Variants in XRN1 observed in about 807,000 individuals in gnomAD.
XRN1 encodes the protein 5'-3' exoribonuclease 1, also known as strand-exchange protein 1 homolog.
In XRN1, 67 loss-of-function variants were observed where a neutral mutation model predicts 222.3. That is an observed-to-expected ratio of 0.30 (90% CI 0.25 to 0.37). The LOEUF is 0.37. Among genes scored for constraint, XRN1 ranks in the 10% least tolerant of loss-of-function variants. The pLI is 1.00. For missense variants in XRN1, 1,707 were observed against 2,000.2 expected, an observed-to-expected ratio of 0.85 and a Z score of 2.80; for synonymous variants, 643 against 652.4, an observed-to-expected ratio of 0.99 and a Z score of 0.22.
chr3:142,419,548 GC>G (rs2068920522), intron 10 of XRN1, among the ~76,000 whole-genome samples: 1 of 152,114 alleles, frequency 6.6e-6, no homozygotes, highest in African/African-American at 2.4e-5. Flanking sequence ...GGTGGCTCAC[GC>G]CTGTAATCCC....
In XRN1 at chr3:142,308,188, C is replaced by A. The variant is rs544722814; in HGVS notation, c.*3323G>T. 6.6e-6 allele frequency: 1 copy of A among 152,140 alleles called. No individual in the cohort carries two copies. Among genetic ancestry groups the A allele is most frequent in the South Asian group, 2.1e-4 (1 of 4,818 alleles). The allele number at this position is 152,140 out of a possible 1,614,324, so 9.4% of individuals were successfully genotyped here. On this transcript the variant is annotated 3_prime_UTR_variant, in exon 41 of 41. Coordinates refer to ENST00000392981, the MANE Select transcript of XRN1 (RefSeq NM_001282857.2). ...TAAATAAAAAGTGAGTAAAAAAGAC[C>A]TTACAGTTTATCTATTTCCTTGTGC...
chr3:142,383,463 G>T, intron 21 of XRN1, 50 bp from the exon 22 acceptor site: 1 of 1,478,856 alleles, frequency 6.8e-7, no homozygotes, highest in Non-Finnish European at 9.3e-7. Context: ...TATAGATTGC[G>T]TATCAAGTTT....
At chr3:142,396,465 A>G (rs1403094427) in intron 20 of XRN1, among the ~76,000 whole-genome samples, 1 of 152,234 alleles carries the variant, frequency 6.6e-6, no homozygotes, top group Non-Finnish European at 1.5e-5. Context: ...ATGCTACAAA[A>G]GACAACTTAG....
rs1391308425 is a variant in XRN1, at chr3:142,414,273, A to G, written c.1455T>C (p.Tyr485=). ...QSWSWYYPYH[Y]APFLSDIHNI... is the part of the protein sequence containing the mutation. ...TGTGTATATCAGACAGGAAAGGTGCATAATGATAAGGATAATACCTATAAA... is the reference window on the plus strand; with the variant it reads ...TGTGTATATCAGACAGGAAAGGTGCGTAATGATAAGGATAATACCTATAAA... Residue 485 remains tyrosine, a synonymous_variant, in exon 14 of 41, where the codon TAT becomes TAC. Transcript: ENST00000392981. The G allele has an allele frequency of 6.2e-7, 1 of 1,610,798 alleles. No individual in the cohort carries two copies. The highest frequency in any genetic ancestry group is 8.5e-7 in the Non-Finnish European group (1 of 1,178,548).
At chr3:142,396,868 G>A (rs891867558) in intron 20 of XRN1, among the ~76,000 whole-genome samples, 1 of 152,148 alleles carries the variant, frequency 6.6e-6, no homozygotes, top group Middle Eastern at 3.2e-3. Flanking sequence ...ACATTCCCAG[G>A]TGGGTTAGCA....
At position 142,423,561 on chromosome 3, in the gene XRN1, G is replaced by A. The variant is rs772740589; in HGVS notation, c.709C>T (p.Arg237Trp). The change falls in exon 6 of 41, where the codon CGG becomes TGG. Residue 237 changes from arginine (R) to tryptophan (W), a missense_variant and splice_region_variant. Physicochemically the swap from Arg to Trp is moderately radical, Grantham distance 101 (BLOSUM62 -3). Coordinates refer to ENST00000392981, the MANE Select transcript of XRN1 (RefSeq NM_001282857.2). ...EVRFGGKKTQ[R>W]VCAPEETTFH... ...CAACATATATGCTATATAATTTACC[G>A]TTGTGTTTTTTTGCCACCAAATCGA... is the stretch of plus-strand genomic sequence containing the variant. 4.4e-5 allele frequency: 70 copies of A among 1,597,414 alleles called. No homozygotes were observed. In the East Asian group the frequency reaches 5.7e-4, roughly 13 times the overall value.
Position 142,309,430 on chromosome 3 carries a change from G to C in XRN1, c.*2081C>G, listed in dbSNP as rs1440468147. On this transcript the variant is annotated 3_prime_UTR_variant, in exon 41 of 41. Transcript: ENST00000392981. ...GTAGAGACAGGGCTTCATCATGTTG[G>C]CCAGGCTTGTCTGGAACTCCGGACC... is the stretch of plus-strand genomic sequence containing the variant. 2 of 152,142 alleles carry C rather than the reference G, an allele frequency of 1.3e-5. No homozygotes were observed. The highest frequency in any genetic ancestry group is 1.9e-4 in the East Asian group (1 of 5,176). The allele number at this position is 152,142 out of a possible 1,614,324, so 9.4% of individuals were successfully genotyped here.
At chr3:142,379,656 A>G (rs1257812341) in intron 23 of XRN1, among the ~76,000 whole-genome samples, 2 of 152,210 alleles carry the variant, frequency 1.3e-5, no homozygotes, top group Non-Finnish European at 2.9e-5. Context: ...CATTTTTCCA[A>G]TATTCTTTAG....
chr3:142,360,872 T>C (rs1372664959), intron 29 of XRN1, among the ~76,000 whole-genome samples: 1 of 8,832 alleles, frequency 1.1e-4, no homozygotes, highest in Non-Finnish European at 2.6e-4. Context: ...AGACTCCGTC[T>C]CAAAAAAAAA....
At position 142,357,709 on chromosome 3, in the gene XRN1, T is replaced by C. The variant is rs539995317; in HGVS notation, c.3465-590A>G. ...TCCCAAAGTGTTGGGATTACAGGCA[T>C]GAGCCACCATGCCTGGCCTCGAACG... On this transcript the variant is annotated intron_variant, in intron 30 of 40. Coordinates refer to ENST00000392981, the MANE Select transcript of XRN1 (RefSeq NM_001282857.2). 1.7e-4 allele frequency among the ~76,000 whole-genome samples: 25 copies of C among 150,148 alleles called. No individual in the cohort carries two copies. The East Asian group carries it at 5.3e-3, about 32-fold the overall frequency.
chr3:142,400,988 A>G (rs1003528605), intron 18 of XRN1, among the ~76,000 whole-genome samples: 1 of 151,654 alleles, frequency 6.6e-6, no homozygotes, highest in Admixed American at 6.5e-5. Flanking sequence ...TCTTCCATCC[A>G]GGTGTAAAAC....
intron 15 of XRN1, among the ~76,000 whole-genome samples, chr3:142,407,253 T>C (rs944811583): frequency 4.6e-5 from 7 of 152,204 alleles, no homozygotes; most frequent in South Asian, 2.1e-4. Context: ...AAACGTGTCA[T>C]TGAATTTCTC....
At chr3:142,359,971 A>G (rs758884274) in intron 29 of XRN1, 40 bp from the exon 30 acceptor site, 4 of 1,423,442 alleles carry the variant, frequency 2.8e-6, no homozygotes, top group East Asian at 2.3e-5. Context: ...CTAAAAAATC[A>G]TATGATGAAA....
In XRN1 at chr3:142,421,516, T is replaced by A. The variant is rs749222593; in HGVS notation, c.995A>T (p.Asn332Ile). The A allele has an allele frequency of 6.2e-7, 1 of 1,610,196 alleles. No individual in the cohort carries two copies. Among genetic ancestry groups the A allele is most frequent in the Non-Finnish European group, 8.5e-7 (1 of 1,178,494 alleles). Residue 332 changes from asparagine to isoleucine, a missense_variant, in exon 9 of 41, where the codon AAC (asparagine) becomes ATC (isoleucine). Physicochemically the swap from Asn to Ile is moderately radical, Grantham distance 149. Around this residue, in one of 2 missense-constraint regions of XRN1, gnomAD observed 1,234 missense variants for 1,518.2 expected, o/e 0.81. Coordinates refer to ENST00000392981, the MANE Select transcript of XRN1 (RefSeq NM_001282857.2). The stretch of plus-strand genomic sequence containing the variant: ...AAGGTATTTCTCAAATCGAGGTAAG[T>A]TGAGGTGCCCACTTTCATTAATATA... ...GGYINESGHL[N>I]LPRFEKYLVK...
intron 27 of XRN1, among the ~76,000 whole-genome samples, chr3:142,369,340 G>A (rs528261327): frequency 6.6e-6 from 1 of 152,194 alleles, no homozygotes; most frequent in South Asian, 2.1e-4. Context: ...CTCAATGAGT[G>A]TATGAGTAAG....
intron 23 of XRN1, among the ~76,000 whole-genome samples, chr3:142,378,212 A>G (rs2107918186): frequency 6.6e-6 from 1 of 152,328 alleles, no homozygotes; most frequent in Non-Finnish European, 1.5e-5. Flanking sequence ...GCCACTGGAA[A>G]TTTTTGGTGA....
chr3:142,447,849 C>T lies in XRN1; in HGVS notation c.75+21G>A. 1.2e-6 allele frequency: 2 copies of T among 1,612,510 alleles called. No individual in the cohort carries two copies. The highest frequency in any genetic ancestry group is 1.7e-6 in the Non-Finnish European group (2 of 1,179,638). On this transcript the variant is annotated intron_variant, in intron 1 of 40. Coordinates refer to ENST00000392981, the MANE Select transcript of XRN1 (RefSeq NM_001282857.2). The surrounding 1 kb of genome is among the most constrained non-coding windows in gnomAD (Gnocchi z 4.2). ...GCCCCGGGTCCTCGGCTTTCTGAGC[C>T]GTTGCCCCTCGCTCACCCACCTGAT...
Position 142,422,940 on chromosome 3 carries a change from A to G in XRN1, c.711-18T>C. On this transcript the variant is annotated intron_variant, in intron 6 of 40. Coordinates refer to ENST00000392981, the MANE Select transcript of XRN1 (RefSeq NM_001282857.2). ...CACATACCCTGGAATTAGTCAGATG[A>G]TCAAGATACAGTGAATTTTATTTTT... The G allele has an allele frequency of 6.4e-7, 1 of 1,571,264 alleles. No homozygotes were observed. The highest frequency in any genetic ancestry group is 1.2e-5 in the South Asian group (1 of 86,586).
At chr3:142,353,887 A>G (rs1264600081) in intron 32 of XRN1, among the ~76,000 whole-genome samples, 2 of 152,196 alleles carry the variant, frequency 1.3e-5, no homozygotes, top group African/African-American at 2.4e-5. Context: ...GAGTAAACAC[A>G]ACTACAGAAT....
Sources: allele counts gnomAD v4.1 joint callset (sites outside exome capture counted in the v4.1 genomes callset), GRCh38; gene constraint gnomAD v4.1.1; regional missense constraint gnomAD v4.1.1; non-coding constraint Gnocchi (gnomAD v3.1); transcripts MANE v1.5; gene names NCBI Gene and HGNC (gene_info 2026-07-23, HGNC 2026-07-21).